Variants in SBF2 observed in about 807,000 individuals in gnomAD.
SBF2 encodes myotubularin-related protein 13.
A neutral mutation model predicts 225.2 loss-of-function variants in SBF2; 112 were observed. That is an observed-to-expected ratio of 0.50 (90% CI 0.43 to 0.58). SBF2 has a LOEUF of 0.58. Ranked by LOEUF, SBF2 falls within the 20% of genes least tolerant of loss-of-function variation. The pLI, the probability that SBF2 is intolerant of heterozygous loss-of-function variation, is 0.00. For missense variants in SBF2, 1,996 were observed against 2,206.2 expected (o/e 0.90, Z 1.91); for synonymous variants, 763 against 773.3 (o/e 0.99, Z 0.22).
intron 3 of SBF2, among the ~76,000 whole-genome samples, chr11:10,041,026 TAGA>T (rs1285837353): frequency 6.6e-6 from 1 of 152,038 alleles, no homozygotes; most frequent in Non-Finnish European, 1.5e-5. Flanking sequence ...TCAGTTTGTC[TAGA>T]AGAAGAGGGG....
chr11:9,862,382 AC>A (rs1857827103), intron 17 of SBF2, among the ~76,000 whole-genome samples: 1 of 152,162 alleles, frequency 6.6e-6, no homozygotes, highest in South Asian at 2.1e-4. Context: ...CAAAAATGGA[AC>A]TTTGCAGTCA....
chr11:9,865,407 A>T (rs61876913), intron 17 of SBF2, among the ~76,000 whole-genome samples: 38,197 of 151,796 alleles, frequency 0.25, 5,066 homozygotes, highest in Admixed American at 0.3. Context: ...AATGAGGAAA[A>T]AGCCGGGCGC....
In SBF2 at chr11:9,892,820, A is replaced by G. The variant is rs1005820878; in HGVS notation, c.1929+3123T>C. Among the ~76,000 whole-genome samples the G allele has an allele frequency of 3.5e-4, 53 of 152,068 alleles. 1 individual carries two copies. Among genetic ancestry groups the G allele is most frequent in the Admixed American group, 3.4e-3 (52 of 15,258 alleles). On this transcript the variant is annotated intron_variant, in intron 17 of 39. Coordinates refer to ENST00000256190, the MANE Select transcript of SBF2 (RefSeq NM_030962.4). Reference sequence around the variant, plus strand: ...GTGATCCGCCCGCCTCGGCCTCCCAAAGTTTTGGGATTACAGGCATGAGCC... The same window carrying G: ...GTGATCCGCCCGCCTCGGCCTCCCAGAGTTTTGGGATTACAGGCATGAGCC...
chr11:10,277,180 G>A (rs1051479303), intron 1 of SBF2, among the ~76,000 whole-genome samples: 3 of 149,094 alleles, frequency 2.0e-5, no homozygotes, highest in Non-Finnish European at 4.4e-5. Context: ...AGCACTTTGG[G>A]AGGCCAAGGC....
chr11:9,895,505 G>T (rs1271222711), intron 17 of SBF2, among the ~76,000 whole-genome samples: 1 of 152,116 alleles, frequency 6.6e-6, no homozygotes, highest in Non-Finnish European at 1.5e-5. Flanking sequence ...CAGAAGGTTC[G>T]CAGAAATTAC....
intron 16 of SBF2, among the ~76,000 whole-genome samples, chr11:9,918,272 A>C (rs1375294464): frequency 2.6e-5 from 4 of 152,108 alleles, no homozygotes; most frequent in African/African-American, 7.2e-5. Context: ...CTGTAGTACA[A>C]ATCAGATTGC....
chr11:10,204,460 G>A (rs55650931), intron 1 of SBF2, among the ~76,000 whole-genome samples: 10,211 of 152,006 alleles, frequency 0.067, 427 homozygotes, highest in Middle Eastern at 0.15. Context: ...CCAACATGGT[G>A]AAACCTCGTC....
At chr11:10,262,963 T>A (rs1178711282) in intron 1 of SBF2, among the ~76,000 whole-genome samples, 2 of 151,956 alleles carry the variant, frequency 1.3e-5, no homozygotes, top group Non-Finnish European at 2.9e-5. Context: ...AAAAAAAAAC[T>A]TGCATTAACA....
intron 2 of SBF2, among the ~76,000 whole-genome samples, chr11:10,047,980 A>G (rs1241423962): frequency 2.0e-5 from 3 of 152,138 alleles, no homozygotes; most frequent in Non-Finnish European, 4.4e-5. Context: ...TTTATTATGA[A>G]TAACAACAAC....
chr11:9,898,422 G>A (rs1475108715), intron 16 of SBF2, among the ~76,000 whole-genome samples: 1 of 152,172 alleles, frequency 6.6e-6, no homozygotes, highest in African/African-American at 2.4e-5. Flanking sequence ...TGTAATCCCA[G>A]CACTTTAGGA....
At chr11:10,130,289 G>C (rs932924910) in intron 2 of SBF2, among the ~76,000 whole-genome samples, 3 of 151,660 alleles carry the variant, frequency 2.0e-5, no homozygotes, top group African/African-American at 7.3e-5. Flanking sequence ...TTTAACGCAG[G>C]AGGCGGAGGT....
At chr11:10,077,052 C>A (rs960387682) in intron 2 of SBF2, among the ~76,000 whole-genome samples, 3 of 152,162 alleles carry the variant, frequency 2.0e-5, no homozygotes, top group Non-Finnish European at 4.4e-5. Flanking sequence ...ATCTCGCATG[C>A]TAGCGCCACC....
chr11:10,229,340 T>C (rs1591265542), intron 1 of SBF2, among the ~76,000 whole-genome samples: 1 of 152,330 alleles, frequency 6.6e-6, no homozygotes, highest in East Asian at 1.9e-4. Context: ...CTTAGTTATT[T>C]CTTGCCTTCT....
chr11:9,970,159 A>T (rs377388753), intron 13 of SBF2, among the ~76,000 whole-genome samples: 18 of 151,986 alleles, frequency 1.2e-4, no homozygotes, highest in Middle Eastern at 3.4e-3. Flanking sequence ...TTCCCACTGA[A>T]CTTATGTTAT....
intron 37 of SBF2, 144 bp downstream of exon 37, chr11:9,784,968 CAAAGAAACATCTA>C (rs1458049989): frequency 1.1e-5 from 8 of 746,170 alleles, no homozygotes; most frequent in Non-Finnish European, 1.8e-5. Flanking sequence ...TTTGTCTTTT[CAAAGAAACATCTA>C]AAACATTACA....
intron 1 of SBF2, among the ~76,000 whole-genome samples, chr11:10,234,367 T>A (rs1297472747): frequency 1.3e-5 from 2 of 152,200 alleles, no homozygotes; most frequent in African/African-American, 4.8e-5. Context: ...ATTTATTTTA[T>A]TAAAAAGTGT....
intron 16 of SBF2, chr11:9,958,542 TAG>T (rs1208342320): frequency 1.2e-5 from 2 of 165,088 alleles, no homozygotes; most frequent in African/African-American, 4.8e-5. Flanking sequence ...GTATTTTTAG[TAG>T]AGACGGGGTT....
chr11:10,148,407 G>C (rs1045988408), intron 2 of SBF2, among the ~76,000 whole-genome samples: 1 of 152,034 alleles, frequency 6.6e-6, no homozygotes, highest in African/African-American at 2.4e-5. Context: ...CCATACATGG[G>C]GGCTATCTGA....
intron 1 of SBF2, among the ~76,000 whole-genome samples, chr11:10,233,857 C>A (rs1213797441): frequency 6.6e-6 from 1 of 152,126 alleles, no homozygotes; most frequent in Non-Finnish European, 1.5e-5. Flanking sequence ...CTTCGATATA[C>A]AATCTTACTC....
Sources: allele counts gnomAD v4.1 joint callset (sites outside exome capture counted in the v4.1 genomes callset), GRCh38; gene constraint gnomAD v4.1.1; transcripts MANE v1.5; gene names NCBI Gene and HGNC (gene_info 2026-07-23, HGNC 2026-07-21).